PCDHA4: variants seen among roughly 807,000 people sequenced by gnomAD.
PCDHA4 encodes protocadherin alpha-4.
In PCDHA4, 49 loss-of-function variants were observed where a neutral mutation model predicts 61.4. The ratio of observed to expected loss-of-function variants is 0.80; its 90% confidence interval spans 0.63 to 1.01. PCDHA4 has a LOEUF of 1.01. Among genes scored for constraint, PCDHA4 ranks in the 50% least tolerant of loss-of-function variants. The pLI, the probability that PCDHA4 is intolerant of heterozygous loss-of-function variation, is 0.00. For synonymous variants in PCDHA4, 590 were observed against 550.3 expected (o/e 1.07, Z -1.01); for missense variants, 1,254 against 1,235.8 (o/e 1.01, Z -0.22).
chr5:140,836,492 C>T lies in PCDHA4; in HGVS notation c.2385+26920C>T, dbSNP rs2150262015. On this transcript the variant is annotated intron_variant, in intron 1 of 3. Coordinates refer to ENST00000530339, the MANE Select transcript of PCDHA4 (RefSeq NM_018907.4). ...ATGTCAACGTGTACCTGATCATCGC[C>T]ATCTGCGCGGTGTCCAGTCTGTTGG... 13 of 1,613,758 alleles carry T rather than the reference C, an allele frequency of 8.1e-6. No individual in the cohort carries two copies. The South Asian group carries it at 8.8e-5, about 11-fold the overall frequency.
rs559205841 is a variant in PCDHA4 at position 140,922,691 on chromosome 5, C to G, written c.2386-56258C>G. On this transcript the variant is annotated intron_variant, in intron 1 of 3. Coordinates refer to ENST00000530339, the MANE Select transcript of PCDHA4 (RefSeq NM_018907.4). ...GCAGTAAAAAAGTGAACAGGCTCTGCTTCCATACAGTCAAGAACAAAAAGA... is the reference window on the plus strand; with the variant it reads ...GCAGTAAAAAAGTGAACAGGCTCTGGTTCCATACAGTCAAGAACAAAAAGA... 2.0e-4 allele frequency among the ~76,000 whole-genome samples: 30 copies of G among 152,262 alleles called. No individual in the cohort carries two copies. In the South Asian group the frequency reaches 6.0e-3, roughly 31 times the overall value.
Position 140,842,564 on chromosome 5 carries a change from C to G in PCDHA4, c.2385+32992C>G, listed in dbSNP as rs2150339268. 40 of 1,500,320 alleles carry G rather than the reference C, an allele frequency of 2.7e-5. 2 individuals carry two copies. In the East Asian group the frequency reaches 6.6e-4, roughly 25 times the overall value. The allele number at this position is 1,500,320 out of a possible 1,614,324, so 92.9% of individuals were successfully genotyped here. A position where few individuals can be genotyped will look rare whatever the true frequency, so the allele number is the denominator to read the frequency against. On this transcript the variant is annotated intron_variant, in intron 1 of 3. Transcript: ENST00000530339. ...GTTGGTGCTGGACAGCGCCCTGGAC[C>G]GCGAGAGAGTGTCGGCCTATGAGTT...
chr5:140,856,923 T>A (rs1178891192), intron 1 of PCDHA4: 1 of 1,595,300 alleles, frequency 6.3e-7, no homozygotes, highest in Non-Finnish European at 8.6e-7. Flanking sequence ...AGAAGGAAAT[T>A]TTGGATAAAC....
chr5:140,999,125 G>A (rs1554256627), intron 3 of PCDHA4, among the ~76,000 whole-genome samples: 1 of 152,152 alleles, frequency 6.6e-6, no homozygotes, highest in Non-Finnish European at 1.5e-5. Context: ...TTCTAAGCTG[G>A]AAAATGTCAC....
chr5:140,950,071 T>C (rs560042578), intron 1 of PCDHA4, among the ~76,000 whole-genome samples: 20 of 152,098 alleles, frequency 1.3e-4, no homozygotes, highest in African/African-American at 4.8e-4. Context: ...TCCTGTGCCA[T>C]TGCTTATGCT....
intron 3 of PCDHA4, among the ~76,000 whole-genome samples, chr5:140,996,029 C>T (rs915903807): frequency 6.6e-6 from 1 of 152,184 alleles, no homozygotes; most frequent in Admixed American, 6.5e-5. Context: ...GTTTAATGCT[C>T]CTAGCACTTA....
At chr5:140,945,366 T>A (rs1367581632) in intron 1 of PCDHA4, among the ~76,000 whole-genome samples, 6 of 152,036 alleles carry the variant, frequency 3.9e-5, no homozygotes, top group Non-Finnish European at 8.8e-5. Context: ...GTTTAAAATG[T>A]CCATATTACC....
At chr5:140,986,618 C>T (rs782259734) in intron 3 of PCDHA4, among the ~76,000 whole-genome samples, 2 of 152,134 alleles carry the variant, frequency 1.3e-5, no homozygotes, top group African/African-American at 2.4e-5. Flanking sequence ...TCAGGCCTTA[C>T]CTAAGGCAAC....
At chr5:140,992,416 C>T (rs3776107) in intron 3 of PCDHA4, among the ~76,000 whole-genome samples, 9,821 of 152,168 alleles carry the variant, frequency 0.065, 355 homozygotes, top group East Asian at 0.12. Context: ...TGCCCCAGGT[C>T]TAAGAATATT....
chr5:140,825,535 C>T (rs1439548778), intron 1 of PCDHA4: 1 of 151,464 alleles, frequency 6.6e-6, no homozygotes, highest in Non-Finnish European at 1.5e-5. Flanking sequence ...AGCGATTCTC[C>T]TGCCTTATCT....
chr5:140,871,017 G>C, intron 1 of PCDHA4: 2 of 1,613,298 alleles, frequency 1.2e-6, no homozygotes, highest in Non-Finnish European at 8.5e-7. Flanking sequence ...CCCTGGACGA[G>C]GCAGACTCGC....
chr5:140,882,072 T>A (rs1340000642), intron 1 of PCDHA4: 5 of 861,462 alleles, frequency 5.8e-6, no homozygotes, highest in Non-Finnish European at 7.0e-6. Flanking sequence ...TTCATGCGCA[T>A]GGTGTCGCTC....
At chr5:140,959,999 A>G (rs564390780) in intron 1 of PCDHA4, among the ~76,000 whole-genome samples, 2 of 152,318 alleles carry the variant, frequency 1.3e-5, no homozygotes, top group African/African-American at 4.8e-5. Flanking sequence ...ATGAAATACA[A>G]ATCTATTTTG....
At chr5:140,812,905 G>A (rs1044730228) in intron 1 of PCDHA4, 7 of 151,944 alleles carry the variant, frequency 4.6e-5, no homozygotes, top group East Asian at 3.9e-4. Context: ...ACAGAATTTC[G>A]TTCAAAATTC....
rs183542590 is a variant in PCDHA4 at position 140,969,555 on chromosome 5, C to T, written c.2386-9394C>T. On this transcript the variant is annotated intron_variant, in intron 1 of 3. Coordinates refer to ENST00000530339, the MANE Select transcript of PCDHA4 (RefSeq NM_018907.4). ...CATTTTCAGAGGCATGAAGCCTTGT[C>T]CATAAAATTGTTTGAGAAGTGAGGA... The T allele has an allele frequency of 1.2e-5, 15 of 1,213,382 alleles. 1 individual carries two copies. The highest frequency in any genetic ancestry group is 1.7e-5 in the South Asian group (1 of 59,354). The allele number at this position is 1,213,382 out of a possible 1,614,324, so 75.2% of individuals were successfully genotyped here. A position where few individuals can be genotyped will look rare whatever the true frequency, so the allele number is the denominator to read the frequency against.
Position 140,983,978 on chromosome 5 carries a change from G to A in PCDHA4, c.2533+1415G>A, listed in dbSNP as rs529150173. Among the ~76,000 whole-genome samples the A allele has an allele frequency of 5.3e-5, 8 of 152,266 alleles. No individual in the cohort carries two copies. The South Asian group carries it at 1.5e-3, about 28-fold the overall frequency. Reference sequence around the variant, plus strand: ...AGTCACATTTGTCCAAAAAATATACGAGTTGAAGCAATTCATTAGAGAGCT... The same window carrying A: ...AGTCACATTTGTCCAAAAAATATACAAGTTGAAGCAATTCATTAGAGAGCT... On this transcript the variant is annotated intron_variant, in intron 3 of 3. Transcript: ENST00000530339.
chr5:140,936,077 G>A (rs2090754379), intron 1 of PCDHA4, among the ~76,000 whole-genome samples: 1 of 151,980 alleles, frequency 6.6e-6, no homozygotes, highest in South Asian at 2.1e-4. Flanking sequence ...ACTTTTAGTA[G>A]AGACAGGGTT....
chr5:140,924,910 AT>A (rs1554202346), intron 1 of PCDHA4, among the ~76,000 whole-genome samples: 33 of 63,422 alleles, frequency 5.2e-4, no homozygotes, highest in African/African-American at 1.8e-3. Context: ...AAAAAATAAA[AT>A]AAAATAAAAT....
rs2150362275 is a variant in PCDHA4 at position 140,843,540 on chromosome 5, T to G, written c.2385+33968T>G. On this transcript the variant is annotated intron_variant, in intron 1 of 3. Transcript: ENST00000530339. Reference sequence around the variant, plus strand: ...TGCCGGGCGGGCAAGCCCACTCTGGTGTGCTCCAGTGCGGTGGGGAGCTGG... The same window carrying G: ...TGCCGGGCGGGCAAGCCCACTCTGGGGTGCTCCAGTGCGGTGGGGAGCTGG... 12 of 1,595,850 alleles carry G rather than the reference T, an allele frequency of 7.5e-6. 3 individuals are homozygous for G. Among genetic ancestry groups the G allele is most frequent in the Non-Finnish European group, 1.0e-5 (12 of 1,165,530 alleles).
Sources: allele counts gnomAD v4.1 joint callset (sites outside exome capture counted in the v4.1 genomes callset), GRCh38; gene constraint gnomAD v4.1.1; transcripts MANE v1.5; gene names NCBI Gene and HGNC (gene_info 2026-07-23, HGNC 2026-07-21).